AREL1: variants seen among roughly 807,000 people sequenced by gnomAD.
AREL1 encodes apoptosis-resistant E3 ubiquitin protein ligase 1.
In AREL1, 62 loss-of-function variants were observed where a neutral mutation model predicts 99.0. The observed-to-expected ratio is 0.63, with a 90% CI of 0.51 to 0.77. The LOEUF (loss-of-function observed/expected upper bound fraction) is 0.77. Ranked by LOEUF, AREL1 falls within the 30% of genes least tolerant of loss-of-function variation. The probability of loss-of-function intolerance (pLI) is 0.00; values close to 1 mark genes in which losing one functional copy is unlikely to be tolerated. For synonymous variants in AREL1, 380 were observed against 376.5 expected, an observed-to-expected ratio of 1.01 and a Z score of -0.11; for missense variants, 879 against 1,027.6, an observed-to-expected ratio of 0.86 and a Z score of 1.98.
chr14:74,706,832 C>T (rs2090187750), intron 1 of AREL1, among the ~76,000 whole-genome samples: 1 of 152,114 alleles, frequency 6.6e-6, no homozygotes, highest in African/African-American at 2.4e-5. Flanking sequence ...TGGATGGATA[C>T]CTTAATCAAG....
chr14:74,705,127 C>A (rs773243525), intron 1 of AREL1, among the ~76,000 whole-genome samples: 1 of 152,036 alleles, frequency 6.6e-6, no homozygotes, highest in South Asian at 2.1e-4. Context: ...GCAACCTCCA[C>A]CTTCCAGGTT....
At chr14:74,666,184 C>T (rs971982705) in intron 17 of AREL1, among the ~76,000 whole-genome samples, 2 of 152,050 alleles carry the variant, frequency 1.3e-5, no homozygotes, top group African/African-American at 4.8e-5. Context: ...TGGGCAAGAC[C>T]ACCTAAAATT....
At chr14:74,670,940 C>A in intron 12 of AREL1, 69 bp from the exon 13 acceptor site, 2 of 1,271,168 alleles carry the variant, frequency 1.6e-6, no homozygotes, top group African/African-American at 1.5e-5. Context: ...TTTATTGAGT[C>A]ATCATTTTAT....
chr14:74,676,537 G>T, intron 6 of AREL1, 46 bp downstream of exon 6: 1 of 1,573,928 alleles, frequency 6.4e-7, no homozygotes, highest in South Asian at 1.2e-5. Context: ...ACAGAGAAAG[G>T]AGCCAGCTCT....
chr14:74,687,009 A>G (rs1394838722), intron 2 of AREL1, among the ~76,000 whole-genome samples: 1 of 152,176 alleles, frequency 6.6e-6, no homozygotes, highest in African/African-American at 2.4e-5. Flanking sequence ...CATCTCAAAA[A>G]TCTGCTACGA....
chr14:74,678,771 TAC>T (rs2089555709), intron 5 of AREL1, among the ~76,000 whole-genome samples: 2 of 146,436 alleles, frequency 1.4e-5, no homozygotes, highest in African/African-American at 5.1e-5. Context: ...TGACCCTAAA[TAC>T]ACATTTTCAA....
At chr14:74,699,728 C>T (rs1594778402) in intron 1 of AREL1, among the ~76,000 whole-genome samples, 1 of 152,096 alleles carries the variant, frequency 6.6e-6, no homozygotes, top group Admixed American at 6.5e-5. Flanking sequence ...CAATATACAT[C>T]ATTTTGTTTG....
rs146950260 is a variant in AREL1 at position 74,708,903 on chromosome 14, G to C, written c.-334+4030C>G. Reference sequence around the variant, plus strand: ...ATCTTGTAGAACAGTCTTCAAAAGAGCCACCAGGAAAACATCACTATGGTG... The same window carrying C: ...ATCTTGTAGAACAGTCTTCAAAAGACCCACCAGGAAAACATCACTATGGTG... On this transcript the variant is annotated intron_variant, in intron 1 of 19. Transcript: ENST00000356357. Among the ~76,000 whole-genome samples, 654 of 152,236 alleles carry C rather than the reference G, an allele frequency of 4.3e-3. 3 individuals carry two copies. Among genetic ancestry groups the C allele is most frequent in the Non-Finnish European group, 7.0e-3 (478 of 68,028 alleles).
chr14:74,703,840 T>C (rs2090129419), intron 1 of AREL1, among the ~76,000 whole-genome samples: 1 of 152,212 alleles, frequency 6.6e-6, no homozygotes, highest in Admixed American at 6.5e-5. Flanking sequence ...TTCATTTCTC[T>C]TGGGTAAATA....
intron 6 of AREL1, 74 bp from the exon 7 acceptor site, chr14:74,676,395 G>C: frequency 6.6e-7 from 1 of 1,526,178 alleles, no homozygotes; most frequent in Non-Finnish European, 8.9e-7. Context: ...TCCTTACAAA[G>C]AGCTTTCCTA....
chr14:74,682,618 T>G (rs1222860469), intron 5 of AREL1, among the ~76,000 whole-genome samples: 1 of 152,260 alleles, frequency 6.6e-6, no homozygotes, highest in Non-Finnish European at 1.5e-5. Context: ...AAATCGCATG[T>G]TGAAATGTGA....
intron 18 of AREL1, 126 bp downstream of exon 18, chr14:74,664,710 C>A: frequency 1.6e-6 from 1 of 631,652 alleles, no homozygotes; most frequent in Non-Finnish European, 2.6e-6. Flanking sequence ...CCGCCTGCCT[C>A]AGCCTCCCAA....
chr14:74,711,181 A>C (rs1249710397), intron 1 of AREL1, among the ~76,000 whole-genome samples: 2 of 149,148 alleles, frequency 1.3e-5, no homozygotes, highest in Non-Finnish European at 1.5e-5. Flanking sequence ...CAGTGAGCCG[A>C]GATTGCGCCA....
chr14:74,664,613 ATTTTTTTTT>A (rs747317541), intron 18 of AREL1, among the ~76,000 whole-genome samples: 1 of 117,972 alleles, frequency 8.5e-6, no homozygotes, highest in South Asian at 2.9e-4. Context: ...CACCCAGCTA[ATTTTTTTTT>A]TTTTTTTTTT....
intron 1 of AREL1, chr14:74,712,172 C>A (rs1485218524): frequency 2.7e-5 from 4 of 150,500 alleles, no homozygotes; most frequent in African/African-American, 9.8e-5. Context: ...GTCTGGGGCT[C>A]AATTTCCCCA....
Position 74,684,576 on chromosome 14 carries a change from G to A in AREL1, c.121C>T (p.Arg41Ter), listed in dbSNP as rs760449857. ...TAGTCATAAATAGTCCGGTCCCCTC[G>A]GCGCTCGCGGTCCTCATTCTGGAGG... The part of the protein sequence containing the change: ...SFLQNEDRER[R>*]GDRTIYDYVR... The change falls in exon 4 of 20, where the codon CGA becomes TGA. Residue 41 changes from arginine to a stop codon, truncating the protein, a stop_gained. Transcript: ENST00000356357. LOFTEE classifies it high-confidence loss of function. 13 of 1,614,114 alleles carry A rather than the reference G, an allele frequency of 8.1e-6. No homozygotes were observed. Among genetic ancestry groups the A allele is most frequent in the Non-Finnish European group, 1.1e-5 (13 of 1,180,032 alleles).
At chr14:74,687,666 C>T in intron 2 of AREL1, among the ~76,000 whole-genome samples, 1 of 152,148 alleles carries the variant, frequency 6.6e-6, no homozygotes, top group East Asian at 1.9e-4. Flanking sequence ...CTTATATGTA[C>T]CTCACGGGGT....
At position 74,692,039 on chromosome 14, in the gene AREL1, A is replaced by G. The variant is rs1566696781; in HGVS notation, c.-46+2T>C. 2.6e-6 allele frequency: 1 copy of G among 380,404 alleles called. No individual in the cohort carries two copies. Among genetic ancestry groups the G allele is most frequent in the East Asian group, 8.0e-5 (1 of 12,566 alleles). The allele number at this position is 380,404 out of a possible 1,614,324, so 23.6% of individuals were successfully genotyped here. On this transcript the variant is annotated splice_donor_variant, in intron 2 of 19. Coordinates refer to ENST00000356357, the MANE Select transcript of AREL1 (RefSeq NM_001039479.2). LOFTEE classifies it low-confidence loss of function (5UTR_SPLICE). ...AAAGCTTAACTCAGTCTGTTACCTT[A>G]CCTTTAAACGAGGGCCCATGTTCTG... is the stretch of plus-strand genomic sequence containing the variant.
intron 17 of AREL1, 150 bp downstream of exon 17, chr14:74,667,169 G>A: frequency 1.3e-6 from 1 of 797,038 alleles, no homozygotes; most frequent in Non-Finnish European, 2.0e-6. Context: ...AGGCTGAAGG[G>A]TCAATGAATG....
Sources: allele counts gnomAD v4.1 joint callset (sites outside exome capture counted in the v4.1 genomes callset), GRCh38; gene constraint gnomAD v4.1.1; transcripts MANE v1.5; gene names NCBI Gene and HGNC (gene_info 2026-07-23, HGNC 2026-07-21).